Variants in DMC1 observed in about 807,000 individuals in gnomAD.
DMC1 encodes the protein meiotic recombination protein DMC1 homolog.
In DMC1, 27 loss-of-function variants were observed where a neutral mutation model predicts 50.1. The ratio of observed to expected loss-of-function variants is 0.54; its 90% confidence interval spans 0.40 to 0.74. DMC1 has a LOEUF of 0.74. Ranked by LOEUF, DMC1 falls within the 30% of genes least tolerant of loss-of-function variation. The probability of loss-of-function intolerance (pLI) is 0.00; values close to 1 mark genes in which losing one functional copy is unlikely to be tolerated. For missense variants in DMC1, 295 were observed against 420.2 expected (o/e 0.70, Z 2.60); for synonymous variants, 148 against 136.1 (o/e 1.09, Z -0.61).
At chr22:38,565,761 G>C (rs2090574931) in intron 4 of DMC1, among the ~76,000 whole-genome samples, 1 of 152,272 alleles carries the variant, frequency 6.6e-6, no homozygotes, top group Non-Finnish European at 1.5e-5. Context: ...GCTTCAGTGA[G>C]CACATGCTTG....
At chr22:38,550,825 G>A (rs1286795958) in intron 7 of DMC1, among the ~76,000 whole-genome samples, 1 of 150,044 alleles carries the variant, frequency 6.7e-6, no homozygotes, top group East Asian at 2.0e-4. Context: ...CAGCTACTCT[G>A]GAGGCTGAGG....
downstream of DMC1, among the ~76,000 whole-genome samples, chr22:38,513,972 C>T (rs188659012): frequency 2.3e-4 from 35 of 152,302 alleles, no homozygotes; most frequent in African/African-American, 8.2e-4. Flanking sequence ...GTGGGGAAGG[C>T]CTGTTTGAAA....
At chr22:38,537,557 C>T (rs1380650480) in intron 12 of DMC1, 35 bp downstream of exon 12, 8 of 1,585,130 alleles carry the variant, frequency 5.0e-6, no homozygotes, top group Non-Finnish European at 6.9e-6. Flanking sequence ...TTATATTAAC[C>T]TCTGTGAAAT....
intron 8 of DMC1, 76 bp downstream of exon 8, chr22:38,549,849 T>A: frequency 1.8e-6 from 2 of 1,096,704 alleles, no homozygotes; most frequent in Non-Finnish European, 2.8e-6. Flanking sequence ...AAAGATTGTA[T>A]ATCTCAGACA....
Position 38,570,088 on chromosome 22 carries a change from C to T in DMC1, c.-79G>A, listed in dbSNP as rs2090623785. On this transcript the variant is annotated 5_prime_UTR_variant, in exon 1 of 14. Transcript: ENST00000216024. ...CCCCGAGATTTTCAAGGTGAAGCCCCTCTGCCCCGCCCGACCTCCTCAGCT... is the reference window on the plus strand; with the variant it reads ...CCCCGAGATTTTCAAGGTGAAGCCCTTCTGCCCCGCCCGACCTCCTCAGCT... The T allele has an allele frequency of 6.6e-6, 1 of 152,260 alleles. No homozygotes were observed. Among genetic ancestry groups the T allele is most frequent in the Non-Finnish European group, 1.5e-5 (1 of 68,170 alleles). The allele number at this position is 152,260 out of a possible 1,614,324, so 9.4% of individuals were successfully genotyped here.
At chr22:38,513,526 T>C in the DMC1 span, among the ~76,000 whole-genome samples, 1 of 152,224 alleles carries the variant, frequency 6.6e-6, no homozygotes, top group Admixed American at 6.5e-5. Flanking sequence ...CTCACCATGA[T>C]GAAAGATATC....
At chr22:38,569,124 C>T (rs2146049216) in intron 1 of DMC1, among the ~76,000 whole-genome samples, 1 of 149,444 alleles carries the variant, frequency 6.7e-6, no homozygotes, top group Non-Finnish European at 1.5e-5. Flanking sequence ...GCGGAGGTTG[C>T]ACTGAGCCGA....
chr22:38,542,018 TA>T (rs61612851), intron 8 of DMC1, among the ~76,000 whole-genome samples: 12,638 of 140,850 alleles, frequency 0.09, 1,304 homozygotes, highest in African/African-American at 0.25. Context: ...TCATTTATGA[TA>T]AAAAAAAAAC....
chr22:38,519,959 T>A lies in DMC1; in HGVS notation c.*61A>T. ...TATTTCAAGATGTGAAATTGGAGAC[T>A]GCTTTTCCATTTCTTCAGCTCCTAA... On this transcript the variant is annotated 3_prime_UTR_variant, in exon 14 of 14. Coordinates refer to ENST00000216024, the MANE Select transcript of DMC1 (RefSeq NM_007068.4). 2 of 1,380,318 alleles carry A rather than the reference T, an allele frequency of 1.4e-6. No homozygotes were observed. Among genetic ancestry groups the A allele is most frequent in the Non-Finnish European group, 2.1e-6 (2 of 968,284 alleles). 85.5% of individuals were successfully genotyped at this position (1,380,318 alleles called of 1,614,324 possible). A position where few individuals can be genotyped will look rare whatever the true frequency, so the allele number is the denominator to read the frequency against.
chr22:38,539,528 A>AC, intron 8 of DMC1, 116 bp from the exon 9 acceptor site: 5 of 821,368 alleles, frequency 6.1e-6, no homozygotes, highest in Non-Finnish European at 1.0e-5. Flanking sequence ...TGTACCTGTG[A>AC]AGGTATTCTA....
At chr22:38,509,949 A>G in the DMC1 span, among the ~76,000 whole-genome samples, 1 of 152,230 alleles carries the variant, frequency 6.6e-6, no homozygotes, top group Non-Finnish European at 1.5e-5. Context: ...TTACATGGCC[A>G]CCGCATCTGG....
intron 9 of DMC1, among the ~76,000 whole-genome samples, chr22:38,538,940 G>C (rs893323380): frequency 2.0e-5 from 3 of 151,912 alleles, no homozygotes; most frequent in Non-Finnish European, 4.4e-5. Flanking sequence ...GGAGGCTGAG[G>C]TAGGAGAATC....
intron 12 of DMC1, among the ~76,000 whole-genome samples, chr22:38,527,200 CCTT>C (rs1049700923): frequency 2.6e-5 from 4 of 152,044 alleles, no homozygotes; most frequent in African/African-American, 4.8e-5. Context: ...CTAAATCTCT[CCTT>C]CTTCTTTTAT....
In DMC1 at chr22:38,531,272, A is replaced by G. The variant is rs192069413; in HGVS notation, c.836+6320T>C. 1.3e-3 allele frequency among the ~76,000 whole-genome samples: 201 copies of G among 152,222 alleles called. 4 individuals carry two copies. The South Asian group carries it at 0.04, about 30-fold the overall frequency. The stretch of plus-strand genomic sequence containing the variant: ...ACTTTTTATCTCCAAGTCTTCATCA[A>G]CTGGATCATTCCAGTTCTAAAGTCT... On this transcript the variant is annotated intron_variant, in intron 12 of 13. Transcript: ENST00000216024.
intron 8 of DMC1, among the ~76,000 whole-genome samples, chr22:38,544,160 T>C (rs2090317088): frequency 6.6e-6 from 1 of 152,192 alleles, no homozygotes; most frequent in Admixed American, 6.5e-5. Flanking sequence ...TCTAATAATC[T>C]TATTTAAAAA....
At chr22:38,542,027 A>T (rs2145883670) in intron 8 of DMC1, among the ~76,000 whole-genome samples, 1 of 150,838 alleles carries the variant, frequency 6.6e-6, no homozygotes, top group Non-Finnish European at 1.5e-5. Flanking sequence ...ATAAAAAAAA[A>T]ACCCTCAAAA....
At chr22:38,551,930 G>T (rs2090416635) in intron 7 of DMC1, among the ~76,000 whole-genome samples, 1 of 144,162 alleles carries the variant, frequency 6.9e-6, no homozygotes, top group African/African-American at 2.6e-5. Flanking sequence ...GCGCGATATC[G>T]GCTCACTGCA....
chr22:38,564,510 A>C (rs1382704547), intron 4 of DMC1, among the ~76,000 whole-genome samples: 3 of 151,914 alleles, frequency 2.0e-5, no homozygotes, highest in South Asian at 2.1e-4. Flanking sequence ...GGGTTTCACT[A>C]TGTTGGCCAC....
chr22:38,555,437 C>T, intron 5 of DMC1, 28 bp from the exon 6 acceptor site: 5 of 1,419,686 alleles, frequency 3.5e-6, no homozygotes, highest in Non-Finnish European at 5.0e-6. Context: ...GCATTAGTAA[C>T]AGGAATAGAA....
Sources: gnomAD v4.1 joint callset for allele counts (sites outside exome capture counted in the v4.1 genomes callset) on GRCh38, gnomAD v4.1.1 for gene constraint, MANE v1.5 for transcripts, NCBI Gene and HGNC (gene_info 2026-07-23, HGNC 2026-07-21) for gene names.